Variants in DIAPH2 observed in about 807,000 individuals in gnomAD.
The protein encoded by DIAPH2 is diaphanous related formin 2, also known as protein diaphanous homolog 2.
DIAPH2 carries 35 observed loss-of-function variants against 92.7 expected under a neutral mutation model. The observed-to-expected ratio is 0.38, with a 90% CI of 0.29 to 0.50. The LOEUF (loss-of-function observed/expected upper bound fraction) is 0.50. Among genes scored for constraint, DIAPH2 ranks in the 20% least tolerant of loss-of-function variants. The probability of loss-of-function intolerance (pLI) is 0.94; values close to 1 mark genes in which losing one functional copy is unlikely to be tolerated. For synonymous variants in DIAPH2, 301 were observed against 280.4 expected, an observed-to-expected ratio of 1.07 and a Z score of -0.73; for missense variants, 701 against 819.5, an observed-to-expected ratio of 0.86 and a Z score of 1.77.
chrX:96,999,951 C>A (rs2066132001), intron 17 of DIAPH2, among the ~76,000 whole-genome samples: 1 of 111,803 alleles, frequency 8.9e-6, no homozygotes, highest in Admixed American at 9.5e-5. Flanking sequence ...TAAGACATGC[C>A]TTTGCTCCTC....
intron 22 of DIAPH2, among the ~76,000 whole-genome samples, chrX:97,235,601 C>CAA (rs10563336): frequency 7.1e-4 from 38 of 53,331 alleles, no homozygotes; most frequent in South Asian, 3.7e-3. Context: ...GAGACTACGT[C>CAA]AAAAAAAAAA....
rs576778782 is a variant in DIAPH2, at chrX:97,390,804, T to G, written c.3145+6760T>G. Among the ~76,000 whole-genome samples, 9 of 112,574 alleles carry G rather than the reference T, an allele frequency of 8.0e-5. No homozygotes were observed. The South Asian group carries it at 1.1e-3, about 14-fold the overall frequency. ...GTATTTTCATTTGCTAATATTTAGT[T>G]AATTACCTTTTCAAATGTCATTGAG... On this transcript the variant is annotated intron_variant, in intron 25 of 26. Coordinates refer to ENST00000324765, the MANE Select transcript of DIAPH2 (RefSeq NM_006729.5).
chrX:97,334,792 C>A (rs1942715769), intron 23 of DIAPH2, among the ~76,000 whole-genome samples: 2 of 107,194 alleles, frequency 1.9e-5, no homozygotes, highest in South Asian at 8.4e-4. Flanking sequence ...ACCAGCCTGG[C>A]CAACATAGTG....
intron 22 of DIAPH2, among the ~76,000 whole-genome samples, chrX:97,187,716 A>G (rs1185847199): frequency 1.8e-5 from 2 of 111,512 alleles, no homozygotes; most frequent in Non-Finnish European, 3.8e-5. Flanking sequence ...AATAATCAAT[A>G]TAAGTAAGGA....
At chrX:97,172,086 A>T (rs906527749) in intron 22 of DIAPH2, among the ~76,000 whole-genome samples, 8 of 112,068 alleles carry the variant, frequency 7.1e-5, no homozygotes, top group Admixed American at 3.8e-4. Context: ...ATGTCTATGC[A>T]TGTCTGTGTT....
At chrX:97,350,940 A>T (rs1203400417) in intron 24 of DIAPH2, among the ~76,000 whole-genome samples, 1 of 112,318 alleles carries the variant, frequency 8.9e-6, no homozygotes, top group Non-Finnish European at 1.9e-5. Context: ...CATTTAAGTT[A>T]ATTTCTTGAG....
intron 24 of DIAPH2, among the ~76,000 whole-genome samples, chrX:97,376,818 T>C (rs751421743): frequency 3.6e-5 from 4 of 112,150 alleles, no homozygotes; most frequent in African/African-American, 1.3e-4. Flanking sequence ...ATTTAGACTA[T>C]ACGGTATACG....
chrX:97,180,810 G>A lies in DIAPH2; in HGVS notation c.2719+39016G>A, dbSNP rs192811183. Among the ~76,000 whole-genome samples, 5 of 111,053 alleles carry A rather than the reference G, an allele frequency of 4.5e-5. 1 individual carries two copies. Among genetic ancestry groups the A allele is most frequent in the South Asian group, 7.7e-4 (2 of 2,592 alleles). ...TGTCAGGTTTGTCGAAGATCATATC[G>A]TTGTAAATGTGTGTTGTTATTTTTG... is the stretch of plus-strand genomic sequence containing the variant. On this transcript the variant is annotated intron_variant, in intron 22 of 26. Coordinates refer to ENST00000324765, the MANE Select transcript of DIAPH2 (RefSeq NM_006729.5).
chrX:97,024,582 G>T (rs996267872), intron 17 of DIAPH2, among the ~76,000 whole-genome samples: 4 of 111,995 alleles, frequency 3.6e-5, no homozygotes, highest in African/African-American at 1.3e-4. Flanking sequence ...TTGGGGGTTT[G>T]TGTTCAAACA....
At chrX:97,310,755 T>C (rs747443837) in intron 23 of DIAPH2, among the ~76,000 whole-genome samples, 13 of 111,797 alleles carry the variant, frequency 1.2e-4, no homozygotes, top group African/African-American at 4.2e-4. Flanking sequence ...GCGACTGTAA[T>C]CTCAGCGCTT....
chrX:97,426,904 C>T (rs907877289), intron 25 of DIAPH2, among the ~76,000 whole-genome samples: 4 of 111,432 alleles, frequency 3.6e-5, no homozygotes, highest in African/African-American at 1.3e-4. Context: ...TGGCCAGGCG[C>T]AGTAGCTCAC....
chrX:97,488,371 A>G (rs2070703424), intron 26 of DIAPH2, among the ~76,000 whole-genome samples: 1 of 112,321 alleles, frequency 8.9e-6, no homozygotes. Flanking sequence ...TTTATCAGAT[A>G]TGCAGCTAGC....
intron 17 of DIAPH2, among the ~76,000 whole-genome samples, chrX:97,070,950 C>T (rs2066665658): frequency 1.8e-5 from 2 of 111,562 alleles, no homozygotes; most frequent in Admixed American, 1.9e-4. Context: ...TAGTCAGGAT[C>T]CTGTTAGTTT....
intron 23 of DIAPH2, among the ~76,000 whole-genome samples, chrX:97,338,554 G>A (rs912123766): frequency 1.8e-5 from 2 of 112,021 alleles, no homozygotes; most frequent in African/African-American, 6.5e-5. Flanking sequence ...GGGTAATTAT[G>A]CCAGGTTGTT....
intron 26 of DIAPH2, among the ~76,000 whole-genome samples, chrX:97,433,557 C>T (rs894198345): frequency 9.0e-6 from 1 of 111,420 alleles, no homozygotes; most frequent in African/African-American, 3.3e-5. Context: ...GTATCACAGG[C>T]CCCAGATAGT....
intron 22 of DIAPH2, among the ~76,000 whole-genome samples, chrX:97,159,574 CT>C (rs932827408): frequency 3.6e-5 from 4 of 111,812 alleles, no homozygotes; most frequent in Non-Finnish European, 7.5e-5. Context: ...CTGGTTAATT[CT>C]GTCCAAAGAT....
chrX:97,014,571 A>G (rs1054767594), intron 17 of DIAPH2, among the ~76,000 whole-genome samples: 2 of 112,009 alleles, frequency 1.8e-5, no homozygotes, highest in African/African-American at 6.5e-5. Context: ...GATAAATTCT[A>G]CAGCTTCTAC....
At chrX:97,000,696 G>A (rs1008229894) in intron 17 of DIAPH2, among the ~76,000 whole-genome samples, 11 of 110,702 alleles carry the variant, frequency 9.9e-5, no homozygotes, top group African/African-American at 3.6e-4. Flanking sequence ...TCCTTTAAAT[G>A]AAAAATGTAG....
At chrX:97,370,408 T>G (rs1395722697) in intron 24 of DIAPH2, among the ~76,000 whole-genome samples, 2 of 111,748 alleles carry the variant, frequency 1.8e-5, no homozygotes, top group African/African-American at 6.5e-5. Context: ...GCAGGTAGCA[T>G]GCAGACAAGA....
Sources: allele counts gnomAD v4.1 joint callset (sites outside exome capture counted in the v4.1 genomes callset), GRCh38; gene constraint gnomAD v4.1.1; transcripts MANE v1.5; gene names NCBI Gene and HGNC (gene_info 2026-07-23, HGNC 2026-07-21).